CNTNAP2: variants seen among roughly 807,000 people sequenced by gnomAD.
CNTNAP2 encodes the protein contactin-associated protein-like 2.
Under a neutral mutation model 155.2 loss-of-function variants are expected in CNTNAP2, and 98 were observed. The observed-to-expected ratio is 0.63, with a 90% CI of 0.54 to 0.75. The LOEUF is 0.75. Ranked by LOEUF, CNTNAP2 falls within the 30% of genes least tolerant of loss-of-function variation. The pLI is 0.00. For synonymous variants in CNTNAP2, 651 were observed against 631.2 expected (o/e 1.03, Z -0.47); for missense variants, 1,727 against 1,688.1 (o/e 1.02, Z -0.40).
intron 4 of CNTNAP2, among the ~76,000 whole-genome samples, chr7:147,055,064 A>G (rs1799534351): frequency 6.6e-6 from 1 of 152,200 alleles, no homozygotes; most frequent in Admixed American, 6.5e-5. Flanking sequence ...CTCAAGAATT[A>G]AAGAAAGCAT....
intron 8 of CNTNAP2, among the ~76,000 whole-genome samples, chr7:147,174,518 C>G (rs1362354782): frequency 6.6e-6 from 1 of 152,070 alleles, no homozygotes; most frequent in African/African-American, 2.4e-5. Context: ...TCCTTACATT[C>G]CCATGAAGAA....
chr7:147,947,004 T>C lies in CNTNAP2; in HGVS notation c.2256-30858T>C, dbSNP rs908043795. Among the ~76,000 whole-genome samples, 6 of 151,738 alleles carry C rather than the reference T, an allele frequency of 4.0e-5. No homozygotes were observed. In the South Asian group the frequency reaches 1.3e-3, roughly 32 times the overall value. On this transcript the variant is annotated intron_variant, in intron 14 of 23. Transcript: ENST00000361727. Reference sequence around the variant, plus strand: ...GGTTGATGAGGAGTGTAGGGATAAATGACTTACAGGGGAAATGAATAAGCC... The same window carrying C: ...GGTTGATGAGGAGTGTAGGGATAAACGACTTACAGGGGAAATGAATAAGCC...
chr7:146,227,787 T>C (rs897161565), intron 1 of CNTNAP2, among the ~76,000 whole-genome samples: 2 of 152,132 alleles, frequency 1.3e-5, no homozygotes, highest in Non-Finnish European at 2.9e-5. Flanking sequence ...TTCAGCTGCA[T>C]GTTATGCATG....
intron 12 of CNTNAP2, among the ~76,000 whole-genome samples, chr7:147,576,342 A>G (rs1232253757): frequency 6.6e-6 from 1 of 152,110 alleles, no homozygotes; most frequent in African/African-American, 2.4e-5. Context: ...CATCACTTAT[A>G]ATTAGAAGAC....
intron 1 of CNTNAP2, among the ~76,000 whole-genome samples, chr7:146,712,622 A>T (rs1427501139): frequency 6.6e-6 from 1 of 151,524 alleles, no homozygotes; most frequent in Non-Finnish European, 1.5e-5. Flanking sequence ...CTTTCAAAAA[A>T]ACTAACCCCA....
chr7:146,833,401 C>T (rs1803553334), intron 2 of CNTNAP2, among the ~76,000 whole-genome samples: 1 of 152,104 alleles, frequency 6.6e-6, no homozygotes, highest in Non-Finnish European at 1.5e-5. Context: ...CCTATCTCCT[C>T]TCATCTCCCC....
chr7:147,274,812 C>T (rs1019991713), intron 8 of CNTNAP2, among the ~76,000 whole-genome samples: 1 of 148,992 alleles, frequency 6.7e-6, no homozygotes, highest in African/African-American at 2.4e-5. Flanking sequence ...TCAGGTCTTA[C>T]ATTCAAGTTT....
At chr7:148,294,765 T>G (rs1315328181) in intron 21 of CNTNAP2, among the ~76,000 whole-genome samples, 6 of 152,150 alleles carry the variant, frequency 3.9e-5, no homozygotes, top group Non-Finnish European at 7.4e-5. Flanking sequence ...GAATCTCTTT[T>G]CCTTACGAAC....
chr7:148,365,752 A>C (rs1475279956), intron 21 of CNTNAP2, among the ~76,000 whole-genome samples: 1 of 105,132 alleles, frequency 9.5e-6, no homozygotes, highest in African/African-American at 3.7e-5. Flanking sequence ...ACATGTATAC[A>C]TGTATGTGTA....
intron 8 of CNTNAP2, among the ~76,000 whole-genome samples, chr7:147,142,924 T>C (rs1323322263): frequency 6.6e-6 from 1 of 152,072 alleles, no homozygotes; most frequent in African/African-American, 2.4e-5. Context: ...AAACTGCCAT[T>C]TATCATTTAT....
chr7:146,772,502 CAAAA>C (rs71165037), intron 1 of CNTNAP2, among the ~76,000 whole-genome samples: 1 of 96,216 alleles, frequency 1.0e-5, no homozygotes, highest in African/African-American at 3.1e-5. Context: ...ACTGAAAATA[CAAAA>C]AAAAAAAAAA....
At chr7:147,659,019 A>G (rs1354548521) in intron 13 of CNTNAP2, among the ~76,000 whole-genome samples, 2 of 152,198 alleles carry the variant, frequency 1.3e-5, no homozygotes, top group African/African-American at 4.8e-5. Flanking sequence ...GTAAGACAAC[A>G]GAGATGATTG....
chr7:148,224,410 G>A (rs940857416), intron 19 of CNTNAP2, among the ~76,000 whole-genome samples: 79 of 152,248 alleles, frequency 5.2e-4, no homozygotes, highest in African/African-American at 1.8e-3. Flanking sequence ...GAGGTAGGAG[G>A]AGATCGTATT....
chr7:148,332,046 G>T (rs1231117869), intron 21 of CNTNAP2, among the ~76,000 whole-genome samples: 1 of 152,178 alleles, frequency 6.6e-6, no homozygotes, highest in South Asian at 2.1e-4. Context: ...TTCATGAGGT[G>T]CTGGAGGAGC....
chr7:148,209,479 T>C (rs1393408124), intron 18 of CNTNAP2, among the ~76,000 whole-genome samples: 2 of 151,950 alleles, frequency 1.3e-5, no homozygotes, highest in African/African-American at 2.4e-5. Context: ...CCACCAAGAT[T>C]GCCTGCCTCT....
At chr7:148,310,669 C>A (rs1797580275) in intron 21 of CNTNAP2, among the ~76,000 whole-genome samples, 1 of 152,006 alleles carries the variant, frequency 6.6e-6, no homozygotes, top group South Asian at 2.1e-4. Flanking sequence ...TGTGCCTGTC[C>A]AATTAGCAGG....
intron 8 of CNTNAP2, among the ~76,000 whole-genome samples, chr7:147,271,551 A>G (rs1804753987): frequency 6.6e-6 from 1 of 152,148 alleles, no homozygotes; most frequent in Non-Finnish European, 1.5e-5. Flanking sequence ...GGTAATTTAT[A>G]AAGAAAAAGA....
intron 3 of CNTNAP2, among the ~76,000 whole-genome samples, chr7:147,007,337 T>C (rs1186237315): frequency 1.3e-5 from 2 of 152,088 alleles, no homozygotes; most frequent in Non-Finnish European, 2.9e-5. Flanking sequence ...TCTTTTTGCA[T>C]TGATTCCAAG....
chr7:147,555,509 A>G (rs909021291), intron 11 of CNTNAP2, among the ~76,000 whole-genome samples: 15 of 152,210 alleles, frequency 9.9e-5, no homozygotes, highest in Admixed American at 9.2e-4. Flanking sequence ...GGATACGCAA[A>G]ATGTTATATT....
Sources: gnomAD v4.1 joint callset for allele counts (sites outside exome capture counted in the v4.1 genomes callset) on GRCh38, gnomAD v4.1.1 for gene constraint, MANE v1.5 for transcripts, NCBI Gene and HGNC (gene_info 2026-07-23, HGNC 2026-07-21) for gene names.